ANKHD1: variants seen among roughly 807,000 people sequenced by gnomAD.
ANKHD1 encodes the protein ankyrin repeat and KH domain-containing protein 1.
In ANKHD1, 31 loss-of-function variants were observed where a neutral mutation model predicts 230.5. The ratio of observed to expected loss-of-function variants is 0.13; its 90% CI spans 0.10 to 0.18. ANKHD1 has a LOEUF of 0.18. ANKHD1 is among the 10% of genes least tolerant of loss of function. ANKHD1 has a pLI of 1.00. For missense variants in ANKHD1, 2,256 were observed against 3,071.3 expected (o/e 0.73, Z 6.27); for synonymous variants, 1,074 against 1,117.6 (o/e 0.96, Z 0.78).
At chr5:140,538,005 C>T in intron 31 of ANKHD1, 81 bp from the exon 32 acceptor site, 1 of 1,505,760 alleles carries the variant, frequency 6.6e-7, no homozygotes, top group Non-Finnish European at 8.9e-7. Flanking sequence ...AACATTTGGT[C>T]ATGTTTGGTA....
chr5:140,485,996 A>T lies in ANKHD1; in HGVS notation c.2142+264A>T, dbSNP rs527695366. The T allele has an allele frequency of 5.3e-6, 2 of 379,224 alleles. No homozygotes were observed. The highest frequency in any genetic ancestry group is 9.9e-5 in the South Asian group (2 of 20,114). 23.5% of individuals were successfully genotyped at this position (379,224 alleles called of 1,614,324 possible). ...AAGTATTCTAAGTTGTTATCTTATT[A>T]CAACTAGGTTTTTCAGGGTTTTTTA... On this transcript the variant is annotated intron_variant, in intron 13 of 33. Transcript: ENST00000360839. The surrounding 1 kb of genome is among the most constrained non-coding windows in gnomAD (Gnocchi z 4.8).
At chr5:140,464,566 T>G in intron 9 of ANKHD1, 101 bp from the exon 10 acceptor site, 1 of 1,016,408 alleles carries the variant, frequency 9.8e-7, no homozygotes, top group Non-Finnish European at 1.3e-6. Flanking sequence ...ATTTTGATAT[T>G]TTCACATTTT....
At chr5:140,498,597 CTT>C (rs762050971) in intron 15 of ANKHD1, among the ~76,000 whole-genome samples, 2 of 152,100 alleles carry the variant, frequency 1.3e-5, no homozygotes, top group Non-Finnish European at 2.9e-5. Flanking sequence ...CACAAATTAA[CTT>C]TGTATTATTA....
chr5:140,490,841 T>A (rs1237852213), intron 14 of ANKHD1, among the ~76,000 whole-genome samples: 1 of 151,790 alleles, frequency 6.6e-6, no homozygotes, highest in Non-Finnish European at 1.5e-5. Flanking sequence ...TTCCTTCCAG[T>A]TCTTGTCACT....
In ANKHD1 at chr5:140,529,449, C is replaced by T. The variant is rs1457999968; in HGVS notation, c.6503C>T (p.Thr2168Ile). Residue 2168 changes from threonine to isoleucine, a missense_variant, in exon 29 of 34, where the codon ACA becomes ATA. By Grantham distance (89) the Thr-to-Ile change is moderately conservative. Transcript: ENST00000360839. ...SIFVTNPVTLTPPQGPPAAVQ... is the reference protein window; with the variant it reads ...SIFVTNPVTLIPPQGPPAAVQ... Reference sequence around the variant, plus strand: ...TTTGTTACGAATCCAGTTACTTTAACACCACCTCAAGGCCCACCAGCTGCA... The same window carrying T: ...TTTGTTACGAATCCAGTTACTTTAATACCACCTCAAGGCCCACCAGCTGCA... 2.8e-5 allele frequency: 46 copies of T among 1,614,128 alleles called. No individual in the cohort carries two copies. Among genetic ancestry groups the T allele is most frequent in the Non-Finnish European group, 3.7e-5 (44 of 1,180,050 alleles).
intron 4 of ANKHD1, 61 bp from the exon 5 acceptor site, chr5:140,440,934 C>T: frequency 6.9e-7 from 1 of 1,443,768 alleles, no homozygotes; most frequent in Non-Finnish European, 9.1e-7. Context: ...AGTATATTCT[C>T]TAGAAATACT....
intron 1 of ANKHD1, among the ~76,000 whole-genome samples, chr5:140,407,097 C>A (rs1383775255): frequency 2.0e-5 from 3 of 150,754 alleles, no homozygotes; most frequent in Non-Finnish European, 4.5e-5. Flanking sequence ...GAGTTTGAGA[C>A]CAGCCAGACC....
At chr5:140,431,990 C>G (rs1165482415) in intron 1 of ANKHD1, among the ~76,000 whole-genome samples, 2 of 152,164 alleles carry the variant, frequency 1.3e-5, no homozygotes, top group Non-Finnish European at 2.9e-5. Context: ...AATGAACAGT[C>G]TGTCACCTTT....
chr5:140,404,519 G>C (rs549320512), intron 1 of ANKHD1, among the ~76,000 whole-genome samples: 1 of 151,496 alleles, frequency 6.6e-6, no homozygotes, highest in Non-Finnish European at 1.5e-5. Flanking sequence ...TGCAACCCCC[G>C]TCTCCCAGGT....
chr5:140,496,456 CTTTTCTTTTTTTTTTT>C, intron 14 of ANKHD1, 48 bp from the exon 15 acceptor site: 1 of 875,154 alleles, frequency 1.1e-6, no homozygotes, highest in South Asian at 3.7e-5. Context: ...TTTTTTTTTT[CTTTTCTTTTTTTTTTT>C]TTTTTTTTTT....
chr5:140,456,447 C>G (rs1330860514), intron 7 of ANKHD1, among the ~76,000 whole-genome samples: 3 of 152,308 alleles, frequency 2.0e-5, no homozygotes, highest in South Asian at 2.1e-4. Flanking sequence ...ATCACGCTAC[C>G]TGACTTCAAA....
rs530135140 is a variant in ANKHD1, at chr5:140,418,002, G to A, written c.306+15729G>A. ...TTACAGGTGCCTGCCACCACGCCCG[G>A]CTAGTTTTTTTGTATTTTTAGTAGA... On this transcript the variant is annotated intron_variant, in intron 1 of 33. Transcript: ENST00000360839. Among the ~76,000 whole-genome samples the A allele has an allele frequency of 2.0e-5, 3 of 151,594 alleles. No homozygotes were observed. The East Asian group carries it at 5.8e-4, about 30-fold the overall frequency.
At chr5:140,525,260 A>T (rs1489108392) in intron 25 of ANKHD1, among the ~76,000 whole-genome samples, 2 of 151,858 alleles carry the variant, frequency 1.3e-5, no homozygotes, top group African/African-American at 4.8e-5. Flanking sequence ...AAGAGCAAAG[A>T]TTTTTTTTGT....
intron 15 of ANKHD1, among the ~76,000 whole-genome samples, chr5:140,502,668 T>G (rs1025352735): frequency 6.6e-6 from 1 of 152,174 alleles, no homozygotes; most frequent in African/African-American, 2.4e-5. Flanking sequence ...GTGTCTTGTT[T>G]TTTCAAGCAG....
intron 1 of ANKHD1, among the ~76,000 whole-genome samples, chr5:140,424,539 G>C (rs1022745888): frequency 6.6e-6 from 1 of 152,112 alleles, no homozygotes; most frequent in Non-Finnish European, 1.5e-5. Flanking sequence ...AAAGCAAATA[G>C]AATACAACAA....
At chr5:140,453,272 A>G (rs111364887) in intron 7 of ANKHD1, among the ~76,000 whole-genome samples, 16 of 152,360 alleles carry the variant, frequency 1.1e-4, no homozygotes, top group African/African-American at 3.6e-4. Flanking sequence ...GAATGGAACC[A>G]AGTTGGAATA....
chr5:140,503,126 A>G (rs1752376688), intron 15 of ANKHD1, among the ~76,000 whole-genome samples: 1 of 152,116 alleles, frequency 6.6e-6, no homozygotes, highest in Non-Finnish European at 1.5e-5. Context: ...GAGAGAAAAT[A>G]TTTTCCAACA....
intron 10 of ANKHD1, chr5:140,472,366 A>G (rs1776554099): frequency 1.9e-6 from 3 of 1,579,686 alleles, no homozygotes; most frequent in East Asian, 2.3e-5. Flanking sequence ...AGAACTCTGG[A>G]TATCTGAATT....
intron 1 of ANKHD1, among the ~76,000 whole-genome samples, chr5:140,406,682 G>A (rs1003169761): frequency 6.6e-5 from 10 of 151,554 alleles, no homozygotes; most frequent in African/African-American, 1.2e-4. Context: ...TTACAAGTGC[G>A]TGCCACCATG....
Sources: gnomAD v4.1 joint callset for allele counts (sites outside exome capture counted in the v4.1 genomes callset) on GRCh38, gnomAD v4.1.1 for gene constraint, Gnocchi (gnomAD v3.1) non-coding constraint, MANE v1.5 for transcripts, NCBI Gene and HGNC (gene_info 2026-07-23, HGNC 2026-07-21) for gene names.